The following GNA12 variants were observed in gnomAD, a reference collection of about 807,000 sequenced individuals.
GNA12 encodes the protein G protein subunit alpha 12.
GNA12 carries 9 observed loss-of-function variants against 26.0 expected under a neutral mutation model. That is an observed-to-expected ratio of 0.35 (90% CI 0.21 to 0.60). GNA12 has a LOEUF of 0.60. Among genes scored for constraint, GNA12 ranks in the 20% least tolerant of loss-of-function variants. The probability of loss-of-function intolerance (pLI) is 0.78; values close to 1 mark genes in which losing one functional copy is unlikely to be tolerated. For missense variants in GNA12, 405 were observed against 525.8 expected (o/e 0.77, Z 2.25); for synonymous variants, 264 against 219.6 (o/e 1.20, Z -1.79).
At chr7:2,734,178 C>T (rs879632362) in intron 2 of GNA12, among the ~76,000 whole-genome samples, 22 of 152,156 alleles carry the variant, frequency 1.4e-4, no homozygotes, top group African/African-American at 4.6e-4. Flanking sequence ...CCCAGGACCC[C>T]GTTTCAGGAA....
chr7:2,729,151 C>T lies in GNA12; in HGVS notation c.*2030G>A, dbSNP rs1209228650. ...TGTCGCCAACAGCGCCGCGAAGAGG[C>T]TCTCCCCGTTGGCGGAGGACCCGCT... On this transcript the variant is annotated 3_prime_UTR_variant, in exon 4 of 4. Coordinates refer to ENST00000275364, the MANE Select transcript of GNA12 (RefSeq NM_007353.3). 3 of 152,434 alleles carry T rather than the reference C, an allele frequency of 2.0e-5. No homozygotes were observed. In the East Asian group the frequency reaches 5.6e-4, roughly 29 times the overall value. 9.4% of individuals were successfully genotyped at this position (152,434 alleles called of 1,614,324 possible).
intron 1 of GNA12, chr7:2,815,066 G>A (rs1184881474): frequency 2.1e-6 from 3 of 1,438,228 alleles, no homozygotes; most frequent in African/African-American, 2.8e-5. Context: ...CACTGTGGCA[G>A]GCTCCGAGGA....
intron 1 of GNA12, among the ~76,000 whole-genome samples, chr7:2,808,912 C>T (rs1391140507): frequency 1.3e-5 from 2 of 152,238 alleles, no homozygotes; most frequent in African/African-American, 4.8e-5. Flanking sequence ...ATCCTCACTT[C>T]TGCCTCAGGC....
rs58348546 is a variant in GNA12, at chr7:2,781,412, CTGTGTGTG to C, written c.525+13508_525+13515del. 5.2e-3 allele frequency among the ~76,000 whole-genome samples: 747 copies of C among 143,704 alleles called. 7 individuals carry two copies. Among genetic ancestry groups the C allele is most frequent in the Non-Finnish European group, 5.2e-3 (342 of 65,724 alleles). 94.3% of individuals were successfully genotyped at this position (143,704 alleles called of 152,430 possible). On this transcript the variant is annotated intron_variant, in intron 2 of 3. Transcript: ENST00000275364. ...CTCTAATCCATTTCAAAGTAAGTGT[CTGTGTGTG>C]TGTGTGTGTGTGTGTGTGTGTGTGT...
intron 2 of GNA12, among the ~76,000 whole-genome samples, chr7:2,770,847 C>T (rs1422930888): frequency 2.0e-5 from 3 of 152,196 alleles, no homozygotes; most frequent in Non-Finnish European, 4.4e-5. Context: ...GGAATACTGG[C>T]ACTGCCTAAG....
chr7:2,741,420 G>C (rs965671991), intron 2 of GNA12, among the ~76,000 whole-genome samples: 1 of 152,158 alleles, frequency 6.6e-6, no homozygotes, highest in African/African-American at 2.4e-5. Flanking sequence ...AGTTTCCAGA[G>C]GCTTCCACCA....
intron 2 of GNA12, among the ~76,000 whole-genome samples, chr7:2,738,922 T>G (rs1449095701): frequency 1.3e-5 from 2 of 152,210 alleles, no homozygotes; most frequent in African/African-American, 4.8e-5. Flanking sequence ...TTGCCCTGTG[T>G]GTAGCCTCGT....
At chr7:2,746,909 G>A (rs1337952940) in intron 2 of GNA12, among the ~76,000 whole-genome samples, 1 of 152,144 alleles carries the variant, frequency 6.6e-6, no homozygotes, top group Non-Finnish European at 1.5e-5. Flanking sequence ...AAATAAACTA[G>A]AAAATCTAGA....
intron 2 of GNA12, among the ~76,000 whole-genome samples, chr7:2,734,564 TGTAAGGGATGGA>T (rs1289633890): frequency 1.3e-5 from 2 of 152,184 alleles, no homozygotes; most frequent in Non-Finnish European, 2.9e-5. Context: ...CTCGTGGCGT[TGTAAGGGATGGA>T]GAAAGGCGGC....
At chr7:2,732,936 C>T (rs1419842245) in intron 3 of GNA12, among the ~76,000 whole-genome samples, 1 of 152,150 alleles carries the variant, frequency 6.6e-6, no homozygotes, top group Non-Finnish European at 1.5e-5. Flanking sequence ...ATTAATGAGA[C>T]AACAGGGAAA....
chr7:2,792,943 G>A (rs995699202), intron 2 of GNA12, among the ~76,000 whole-genome samples: 2 of 152,200 alleles, frequency 1.3e-5, no homozygotes, highest in Non-Finnish European at 2.9e-5. Context: ...CTTCCCAGTG[G>A]AGAAAGGTGG....
chr7:2,742,652 C>G (rs1182715625), intron 2 of GNA12, among the ~76,000 whole-genome samples: 1 of 152,218 alleles, frequency 6.6e-6, no homozygotes, highest in East Asian at 1.9e-4. Flanking sequence ...TCTACCCTCC[C>G]TGTCCCCGCA....
intron 1 of GNA12, among the ~76,000 whole-genome samples, chr7:2,828,096 G>A (rs546265454): frequency 3.9e-5 from 6 of 152,168 alleles, no homozygotes; most frequent in Admixed American, 3.3e-4. Flanking sequence ...TGCCGAAGAT[G>A]TTGTGGTCTC....
At chr7:2,755,382 A>AAC (rs1387177978) in intron 2 of GNA12, among the ~76,000 whole-genome samples, 5 of 152,236 alleles carry the variant, frequency 3.3e-5, no homozygotes, top group African/African-American at 1.2e-4. Context: ...GTTTTCCATG[A>AAC]ACACGGCACA....
chr7:2,821,852 A>C (rs1457215583), intron 1 of GNA12, among the ~76,000 whole-genome samples: 1 of 152,222 alleles, frequency 6.6e-6, no homozygotes, highest in Non-Finnish European at 1.5e-5. Context: ...CAATATTAAA[A>C]TTTGGCTTTC....
intron 1 of GNA12, among the ~76,000 whole-genome samples, chr7:2,795,533 G>A (rs867027873): frequency 9.2e-5 from 14 of 151,906 alleles, no homozygotes; most frequent in African/African-American, 2.9e-4. Flanking sequence ...TCAGCTGAGC[G>A]GGGAGGATTG....
chr7:2,835,253 A>C (rs1264582605), intron 1 of GNA12, among the ~76,000 whole-genome samples: 1 of 152,190 alleles, frequency 6.6e-6, no homozygotes, highest in Non-Finnish European at 1.5e-5. Context: ...GGCACACCCC[A>C]CCACCAGAGG....
chr7:2,771,227 G>A (rs1444492949), intron 2 of GNA12, among the ~76,000 whole-genome samples: 2 of 152,086 alleles, frequency 1.3e-5, no homozygotes, highest in Non-Finnish European at 1.5e-5. Flanking sequence ...GGAGGTGGAG[G>A]TTGCCGTGAG....
intron 2 of GNA12, among the ~76,000 whole-genome samples, chr7:2,763,730 T>C (rs1445978687): frequency 1.3e-5 from 2 of 152,236 alleles, no homozygotes; most frequent in Non-Finnish European, 2.9e-5. Context: ...CTTCTAAATG[T>C]GCCTTCCCTG....
Sources: gnomAD v4.1 joint callset for allele counts (sites outside exome capture counted in the v4.1 genomes callset) on GRCh38, gnomAD v4.1.1 for gene constraint, MANE v1.5 for transcripts, NCBI Gene and HGNC (gene_info 2026-07-23, HGNC 2026-07-21) for gene names.